SUCLG2: variants seen among roughly 807,000 people sequenced by gnomAD.
The protein encoded by SUCLG2 is succinate--CoA ligase [GDP-forming] subunit beta, mitochondrial.
Under a neutral mutation model 47.9 loss-of-function variants are expected in SUCLG2, and 42 were observed. The ratio of observed to expected loss-of-function variants is 0.88; its 90% CI spans 0.69 to 1.14. The LOEUF (loss-of-function observed/expected upper bound fraction) is 1.14, where lower values mean the gene tolerates loss of function less well. Ranked by LOEUF, SUCLG2 falls within the 50% of genes most tolerant of loss-of-function variation. SUCLG2 has a pLI of 0.00. For synonymous variants in SUCLG2, 195 were observed against 197.3 expected (o/e 0.99, Z 0.10); for missense variants, 571 against 525.9 (o/e 1.09, Z -0.84).
At chr3:67,407,620 T>C (rs1348710927) in intron 9 of SUCLG2, among the ~76,000 whole-genome samples, 1 of 152,244 alleles carries the variant, frequency 6.6e-6, no homozygotes, top group Non-Finnish European at 1.5e-5. Context: ...TTAAAAACAC[T>C]GTAGCATATA....
chr3:67,641,001 G>C (rs1701091920), intron 1 of SUCLG2, among the ~76,000 whole-genome samples: 4 of 152,142 alleles, frequency 2.6e-5, no homozygotes, highest in Admixed American at 2.6e-4. Flanking sequence ...AACTAAGTGA[G>C]ATTAAAAATA....
At chr3:67,518,224 C>G (rs773939377) in intron 6 of SUCLG2, 23 bp downstream of exon 6, 34 of 1,584,682 alleles carry the variant, frequency 2.1e-5, no homozygotes, top group Non-Finnish European at 2.8e-5. Context: ...GTCAGACACA[C>G]CATCCCCCAA....
chr3:67,458,130 C>T (rs938976378), intron 9 of SUCLG2, among the ~76,000 whole-genome samples: 25 of 152,096 alleles, frequency 1.6e-4, no homozygotes, highest in Non-Finnish European at 1.8e-4. Context: ...GGCCCGCCTT[C>T]CCAGAACCTG....
intron 10 of SUCLG2, 134 bp downstream of exon 10, chr3:67,400,597 G>A (rs1575671416): frequency 1.5e-5 from 19 of 1,268,332 alleles, no homozygotes; most frequent in East Asian, 5.0e-5. Flanking sequence ...AAGTCCTGCC[G>A]TACTGTGTTT....
At chr3:67,406,737 CAA>C (rs945873328) in intron 9 of SUCLG2, among the ~76,000 whole-genome samples, 1 of 152,124 alleles carries the variant, frequency 6.6e-6, no homozygotes, top group Non-Finnish European at 1.5e-5. Flanking sequence ...AACGCCATGA[CAA>C]AGAGTTTGAG....
chr3:67,504,223 G>A (rs377438645), intron 7 of SUCLG2, among the ~76,000 whole-genome samples: 10 of 150,038 alleles, frequency 6.7e-5, no homozygotes, highest in African/African-American at 2.5e-4. Flanking sequence ...TTTAGTGGCT[G>A]TGAAAAGAGA....
chr3:67,562,134 C>A (rs1256141292), intron 2 of SUCLG2, among the ~76,000 whole-genome samples: 4 of 152,168 alleles, frequency 2.6e-5, no homozygotes, highest in African/African-American at 9.7e-5. Context: ...CCATTCATCC[C>A]CCCTTCCCTT....
intron 1 of SUCLG2, among the ~76,000 whole-genome samples, chr3:67,631,535 A>G (rs1700925809): frequency 6.6e-6 from 1 of 152,100 alleles, no homozygotes; most frequent in Admixed American, 6.6e-5. Flanking sequence ...GCTGAGGCAT[A>G]GGAATCGTTT....
At chr3:67,496,023 C>T in intron 8 of SUCLG2, 83 bp from the exon 9 acceptor site, 2 of 1,551,986 alleles carry the variant, frequency 1.3e-6, no homozygotes, top group Non-Finnish European at 1.8e-6. Context: ...CCCCATATTG[C>T]CAAGAGAGAA....
At position 67,462,701 on chromosome 3, in the gene SUCLG2, G is replaced by T. The variant is rs1244972454; in HGVS notation, c.1062+33097C>A. On this transcript the variant is annotated intron_variant, in intron 9 of 10. Coordinates refer to ENST00000307227, the MANE Select transcript of SUCLG2 (RefSeq NM_003848.4). ...AGTTTTGTGTGCCACCCCAGCAAAT[G>T]AATTGAACCCAAGGAAGAGGTCATG... Among the ~76,000 whole-genome samples the T allele has an allele frequency of 2.0e-5, 3 of 152,192 alleles. No homozygotes were observed. In the East Asian group the frequency reaches 5.8e-4, roughly 29 times the overall value.
rs549263889 is a variant in SUCLG2 at position 67,409,140 on chromosome 3, G to A, written c.1063-8289C>T. On this transcript the variant is annotated intron_variant, in intron 9 of 10. Coordinates refer to ENST00000307227, the MANE Select transcript of SUCLG2 (RefSeq NM_003848.4). ...TTTCCTGTTTACTGATAAAAGAGTT[G>A]TCCAGAGCTCATGGTTTTGGCATTT... 5.5e-6 allele frequency: 7 copies of A among 1,273,680 alleles called. No homozygotes were observed. The East Asian group carries it at 7.7e-5, about 14-fold the overall frequency. 78.9% of individuals were successfully genotyped at this position (1,273,680 alleles called of 1,614,324 possible).
At chr3:67,391,215 C>A in intron 10 of SUCLG2, among the ~76,000 whole-genome samples, 1 of 152,186 alleles carries the variant, frequency 6.6e-6, no homozygotes, top group Non-Finnish European at 1.5e-5. Flanking sequence ...TTGTTGTGAA[C>A]ATAAACATAT....
intron 2 of SUCLG2, among the ~76,000 whole-genome samples, chr3:67,540,878 T>C (rs1706686410): frequency 6.6e-6 from 1 of 152,180 alleles, no homozygotes; most frequent in Non-Finnish European, 1.5e-5. Flanking sequence ...CTGTTCTGCA[T>C]CCTCCACTAG....
At chr3:67,596,429 G>A (rs1462852157) in intron 2 of SUCLG2, among the ~76,000 whole-genome samples, 9 of 152,190 alleles carry the variant, frequency 5.9e-5, no homozygotes, top group African/African-American at 1.7e-4. Flanking sequence ...AACTCTGTTT[G>A]TTAAATGTAT....
At chr3:67,387,689 A>C (rs1702290238) in intron 10 of SUCLG2, among the ~76,000 whole-genome samples, 1 of 152,208 alleles carries the variant, frequency 6.6e-6, no homozygotes, top group South Asian at 2.1e-4. Flanking sequence ...AATATGCAAA[A>C]TACCACATTC....
At chr3:67,579,616 T>G (rs1414491229) in intron 2 of SUCLG2, among the ~76,000 whole-genome samples, 1 of 152,198 alleles carries the variant, frequency 6.6e-6, no homozygotes, top group Non-Finnish European at 1.5e-5. Flanking sequence ...TCTACCTGAT[T>G]GGAAAGTCTG....
At chr3:67,457,051 C>T (rs1379098238) in intron 9 of SUCLG2, among the ~76,000 whole-genome samples, 1 of 152,146 alleles carries the variant, frequency 6.6e-6, no homozygotes, top group Non-Finnish European at 1.5e-5. Flanking sequence ...CATATAATAA[C>T]ATTGTATGAA....
chr3:67,426,925 CAA>C (rs996884274), intron 9 of SUCLG2, among the ~76,000 whole-genome samples: 1 of 147,370 alleles, frequency 6.8e-6, no homozygotes. Context: ...GACTCCATCT[CAA>C]AAAAAAAAGT....
At chr3:67,520,418 A>G in intron 5 of SUCLG2, 64 bp downstream of exon 5, 1 of 1,608,180 alleles carries the variant, frequency 6.2e-7, no homozygotes, top group Non-Finnish European at 8.5e-7. Flanking sequence ...ACTCCCCATT[A>G]AATATTTAAC....
Sources: gnomAD v4.1 joint callset for allele counts (sites outside exome capture counted in the v4.1 genomes callset) on GRCh38, gnomAD v4.1.1 for gene constraint, MANE v1.5 for transcripts, NCBI Gene and HGNC (gene_info 2026-07-23, HGNC 2026-07-21) for gene names.